CSMD1: variants seen among roughly 807,000 people sequenced by gnomAD.
CSMD1 encodes the protein CUB and Sushi multiple domains 1, also known as CUB and sushi domain-containing protein 1.
In CSMD1, 213 loss-of-function variants were observed where a neutral mutation model predicts 417.5. The observed-to-expected ratio is 0.51, with a 90% CI of 0.46 to 0.57. The LOEUF is 0.57. CSMD1 is among the 20% of genes least tolerant of loss of function. The pLI is 0.00. For synonymous variants in CSMD1, 2,862 were observed against 1,736.8 expected (o/e 1.65, Z -16.11); for missense variants, 6,923 against 4,529.7 (o/e 1.53, Z -15.17).
At chr8:4,892,167 C>T (rs1456850015) in intron 1 of CSMD1, among the ~76,000 whole-genome samples, 1 of 152,108 alleles carries the variant, frequency 6.6e-6, no homozygotes, top group African/African-American at 2.4e-5. Flanking sequence ...AAAGTAGTTT[C>T]ATTAAGGCAT....
At chr8:4,190,958 G>C (rs1180145558) in intron 3 of CSMD1, among the ~76,000 whole-genome samples, 1 of 151,892 alleles carries the variant, frequency 6.6e-6, no homozygotes, top group Non-Finnish European at 1.5e-5. Flanking sequence ...GAGAGTGGGG[G>C]GGGCGGGGAA....
At chr8:4,459,289 C>G (rs1042551096) in intron 2 of CSMD1, among the ~76,000 whole-genome samples, 1 of 152,198 alleles carries the variant, frequency 6.6e-6, no homozygotes, top group Non-Finnish European at 1.5e-5. Flanking sequence ...ACTTGTGCAC[C>G]AGATGGCATA....
intron 2 of CSMD1, among the ~76,000 whole-genome samples, chr8:4,500,986 A>G (rs970201852): frequency 7.9e-5 from 12 of 152,140 alleles, no homozygotes; most frequent in Admixed American, 7.2e-4. Flanking sequence ...CAAGAGGTTG[A>G]TGATGTCCAA....
At chr8:4,709,257 G>A (rs1271115272) in intron 1 of CSMD1, among the ~76,000 whole-genome samples, 1 of 152,182 alleles carries the variant, frequency 6.6e-6, no homozygotes, top group African/African-American at 2.4e-5. Context: ...GTGGGGAGTA[G>A]AGTTAAAAAT....
intron 4 of CSMD1, among the ~76,000 whole-genome samples, chr8:4,000,882 G>T (rs917920701): frequency 2.0e-5 from 3 of 152,002 alleles, no homozygotes; most frequent in East Asian, 1.9e-4. Flanking sequence ...AAATATCATA[G>T]ATGTGTGGAA....
Position 4,614,065 on chromosome 8 carries a change from G to C in CSMD1, c.302+23277C>G, listed in dbSNP as rs537087157. 1.4e-3 allele frequency among the ~76,000 whole-genome samples: 214 copies of C among 152,138 alleles called. 1 individual carries two copies. Among genetic ancestry groups the C allele is most frequent in the Admixed American group, 2.5e-3 (38 of 15,290 alleles). ...GCAAAATTATGATAAGCAATATAGA[G>C]CCAAGATTTGACAGTTTACTGGCAA... is the stretch of plus-strand genomic sequence containing the variant. On this transcript the variant is annotated intron_variant, in intron 2 of 69. Transcript: ENST00000635120.
intron 2 of CSMD1, among the ~76,000 whole-genome samples, chr8:4,497,024 A>G (rs1480115391): frequency 6.6e-6 from 1 of 152,168 alleles, no homozygotes; most frequent in Non-Finnish European, 1.5e-5. Flanking sequence ...AAAATAAAAT[A>G]AAATACCCAT....
At chr8:3,649,642 G>T (rs183943038) in intron 7 of CSMD1, among the ~76,000 whole-genome samples, 1 of 152,228 alleles carries the variant, frequency 6.6e-6, no homozygotes, top group Non-Finnish European at 1.5e-5. Context: ...ACAGCACGGA[G>T]AAACCACCCC....
chr8:3,903,643 G>C (rs146450081), intron 5 of CSMD1, among the ~76,000 whole-genome samples: 378 of 152,176 alleles, frequency 2.5e-3, no homozygotes, highest in African/African-American at 8.7e-3. Flanking sequence ...CAGAAAATAA[G>C]GTTCTTGTTC....
At chr8:4,464,088 C>T (rs1800003475) in intron 2 of CSMD1, among the ~76,000 whole-genome samples, 2 of 152,082 alleles carry the variant, frequency 1.3e-5, no homozygotes, top group Admixed American at 1.3e-4. Flanking sequence ...ACAGGTTTCT[C>T]AGTTTTCTAA....
intron 26 of CSMD1, among the ~76,000 whole-genome samples, chr8:3,244,973 C>T (rs552661013): frequency 1.3e-5 from 2 of 152,216 alleles, no homozygotes; most frequent in South Asian, 4.1e-4. Context: ...TTGGCTATTT[C>T]CAAGAAGAAC....
chr8:3,285,983 C>T (rs909154553), intron 25 of CSMD1, among the ~76,000 whole-genome samples: 1 of 152,106 alleles, frequency 6.6e-6, no homozygotes, highest in Non-Finnish European at 1.5e-5. Flanking sequence ...TCCCTCCCCA[C>T]TTCCCACAAC....
In CSMD1 at chr8:4,169,012, T is replaced by A. The variant is rs187617256; in HGVS notation, c.416-136913A>T. Among the ~76,000 whole-genome samples the A allele has an allele frequency of 5.3e-5, 8 of 152,282 alleles. No homozygotes were observed. The East Asian group carries it at 1.5e-3, about 29-fold the overall frequency. The stretch of plus-strand genomic sequence containing the variant: ...TCCTACTATCTTATCAGCCGCTTAC[T>A]CTTACTCTGTTCCAGTTGCTGGTTT... On this transcript the variant is annotated intron_variant, in intron 3 of 69. Transcript: ENST00000635120.
chr8:4,033,535 C>G (rs1797466023), intron 3 of CSMD1, among the ~76,000 whole-genome samples: 1 of 152,128 alleles, frequency 6.6e-6, no homozygotes, highest in Non-Finnish European at 1.5e-5. Context: ...CAGACCAAAC[C>G]AATGTATATC....
chr8:3,838,254 G>A (rs896317444), intron 5 of CSMD1, among the ~76,000 whole-genome samples: 7 of 152,018 alleles, frequency 4.6e-5, no homozygotes, highest in African/African-American at 1.7e-4. Flanking sequence ...AAATTCACAA[G>A]TCTGGGCATA....
intron 1 of CSMD1, among the ~76,000 whole-genome samples, chr8:4,771,115 C>T (rs183594904): frequency 6.6e-6 from 1 of 152,052 alleles, no homozygotes; most frequent in Admixed American, 6.6e-5. Context: ...AACATATAAC[C>T]TCATGTTAAA....
chr8:3,075,957 A>T (rs992696646), intron 49 of CSMD1, among the ~76,000 whole-genome samples: 3 of 151,574 alleles, frequency 2.0e-5, no homozygotes, highest in South Asian at 2.1e-4. Context: ...ACGCTGAGGC[A>T]GGAGAATGGC....
chr8:4,720,532 C>T (rs992154363), intron 1 of CSMD1, among the ~76,000 whole-genome samples: 1 of 152,108 alleles, frequency 6.6e-6, no homozygotes, highest in Non-Finnish European at 1.5e-5. Context: ...AGTCTCCTGC[C>T]TCAGCCCCCT....
intron 3 of CSMD1, among the ~76,000 whole-genome samples, chr8:4,413,091 A>G (rs200022445): frequency 3.7e-4 from 57 of 152,330 alleles, no homozygotes; most frequent in Non-Finnish European, 7.1e-4. Context: ...ATGGAAAGAG[A>G]TATTTCATGG....
Sources: gnomAD v4.1 joint callset for allele counts (sites outside exome capture counted in the v4.1 genomes callset) on GRCh38, gnomAD v4.1.1 for gene constraint, MANE v1.5 for transcripts, NCBI Gene and HGNC (gene_info 2026-07-23, HGNC 2026-07-21) for gene names.